The following PRDM16 variants were observed in gnomAD, a reference collection of about 807,000 sequenced individuals.
PRDM16 encodes histone-lysine N-methyltransferase PRDM16.
PRDM16 carries 23 observed loss-of-function variants against 110.6 expected under a neutral mutation model. The observed-to-expected ratio is 0.21, with a 90% CI of 0.15 to 0.29. The LOEUF is 0.29. Among genes scored for constraint, PRDM16 ranks in the 10% least tolerant of loss-of-function variants. The pLI, the probability that PRDM16 is intolerant of heterozygous loss-of-function variation, is 1.00. For synonymous variants in PRDM16, 799 were observed against 781.8 expected (o/e 1.02, Z -0.37); for missense variants, 1,615 against 1,794.3 (o/e 0.90, Z 1.81).
chr1:3,092,240 G>T (rs1165835910), intron 1 of PRDM16, among the ~76,000 whole-genome samples: 1 of 152,178 alleles, frequency 6.6e-6, no homozygotes, highest in Non-Finnish European at 1.5e-5. Context: ...AACCCCAGGG[G>T]CTCAGAGAGG....
At chr1:3,416,769 T>A (rs961611821) in intron 10 of PRDM16, among the ~76,000 whole-genome samples, 1 of 152,216 alleles carries the variant, frequency 6.6e-6, no homozygotes, top group African/African-American at 2.4e-5. Flanking sequence ...TGGCCCCACC[T>A]TCAGCAGGCT....
chr1:3,392,944 C>G (rs972933715), intron 4 of PRDM16, among the ~76,000 whole-genome samples: 2 of 152,200 alleles, frequency 1.3e-5, no homozygotes, highest in Non-Finnish European at 2.9e-5. Flanking sequence ...AGTTTGAATT[C>G]GGAGGACCTG....
At chr1:3,094,355 G>T (rs190190881) in intron 1 of PRDM16, among the ~76,000 whole-genome samples, 403 of 152,320 alleles carry the variant, frequency 2.6e-3, no homozygotes, top group Middle Eastern at 6.8e-3. Context: ...AAGTAAATTC[G>T]AGTTAAGTGC....
chr1:3,376,553 A>G (rs1441144719), intron 3 of PRDM16, among the ~76,000 whole-genome samples: 1 of 152,152 alleles, frequency 6.6e-6, no homozygotes, highest in Non-Finnish European at 1.5e-5. Context: ...GGCGGGAGCT[A>G]AGAGCCACAG....
intron 3 of PRDM16, among the ~76,000 whole-genome samples, chr1:3,352,394 C>T (rs1401199656): frequency 1.3e-5 from 2 of 152,196 alleles, no homozygotes; most frequent in Admixed American, 1.3e-4. Context: ...TCTCCACTGA[C>T]CCTCCCTCCC....
intron 1 of PRDM16, among the ~76,000 whole-genome samples, chr1:3,113,768 G>A (rs866919919): frequency 1.3e-5 from 2 of 152,208 alleles, no homozygotes; most frequent in African/African-American, 4.8e-5. Context: ...TGGGGGCCCT[G>A]GGCCAGAGGC....
At chr1:3,368,538 G>A (rs1410122369) in intron 3 of PRDM16, among the ~76,000 whole-genome samples, 1 of 152,176 alleles carries the variant, frequency 6.6e-6, no homozygotes, top group Non-Finnish European at 1.5e-5. Flanking sequence ...CCCAAGCCCA[G>A]CCGCTCCCAC....
chr1:3,334,760 G>T (rs2483277), intron 3 of PRDM16, among the ~76,000 whole-genome samples: 45,256 of 152,098 alleles, frequency 0.3, 7,953 homozygotes, highest in South Asian at 0.44. Context: ...AATCATCATC[G>T]CCAAGTGCTC....
intron 3 of PRDM16, among the ~76,000 whole-genome samples, chr1:3,372,281 G>A (rs372007882): frequency 1.3e-5 from 2 of 152,376 alleles, no homozygotes; most frequent in East Asian, 1.9e-4. Context: ...TTGCCCCAAA[G>A]GCCCTGCTTC....
chr1:3,387,374 C>G (rs2065525), intron 4 of PRDM16, among the ~76,000 whole-genome samples: 68,606 of 152,090 alleles, frequency 0.45, 16,421 homozygotes, highest in Middle Eastern at 0.55. Flanking sequence ...TGAATTAAAG[C>G]CACAAACCCA....
chr1:3,411,560 G>T lies in PRDM16; in HGVS notation c.1363G>T (p.Gly455Cys). ...GGGCAAGAACCATTACACGCCGGGCGGCATCTTTGCCCCGGGCCTGCCCTT... is the reference window on the plus strand; with the variant it reads ...GGGCAAGAACCATTACACGCCGGGCTGCATCTTTGCCCCGGGCCTGCCCTT... Reference protein sequence around the residue: ...CEGKNHYTPGGIFAPGLPLTP... With the variant: ...CEGKNHYTPGCIFAPGLPLTP... The change falls in exon 9 of 17, where the codon GGC becomes TGC. Residue 455 changes from glycine (G) to cysteine (C), a missense_variant. By Grantham distance (159) the Gly-to-Cys change is radical. This residue lies in a region of PRDM16 where 772 missense variants were observed against 748.3 expected (regional missense o/e 1.03). Transcript: ENST00000270722. 6.2e-7 allele frequency: 1 copy of T among 1,614,082 alleles called. No individual in the cohort carries two copies. The highest frequency in any genetic ancestry group is 2.2e-5 in the East Asian group (1 of 44,872).
chr1:3,406,539 G>A (rs147605767), intron 8 of PRDM16, among the ~76,000 whole-genome samples: 1,704 of 151,688 alleles, frequency 0.011, 18 homozygotes, highest in Non-Finnish European at 0.019. Flanking sequence ...AGACCAGCCT[G>A]AGCAATGTAG....
chr1:3,335,080 C>T (rs1029830682), intron 3 of PRDM16, among the ~76,000 whole-genome samples: 1 of 152,220 alleles, frequency 6.6e-6, no homozygotes, highest in African/African-American at 2.4e-5. Flanking sequence ...AGGTTCCCCC[C>T]TGTGGCTTCA....
intron 1 of PRDM16, among the ~76,000 whole-genome samples, chr1:3,084,537 G>A (rs558136794): frequency 1.4e-3 from 207 of 152,284 alleles, no homozygotes; most frequent in South Asian, 8.3e-3. Flanking sequence ...CCGATAAAGC[G>A]GCTGCTTGCT....
In PRDM16 at chr1:3,384,380, C is replaced by T. The variant is rs116047705; in HGVS notation, c.439-772C>T. Among the ~76,000 whole-genome samples, 266 of 152,254 alleles carry T rather than the reference C, an allele frequency of 1.7e-3. 1 individual carries two copies. The highest frequency in any genetic ancestry group is 6.1e-3 in the African/African-American group (252 of 41,546). On this transcript the variant is annotated intron_variant, in intron 3 of 16. Coordinates refer to ENST00000270722, the MANE Select transcript of PRDM16 (RefSeq NM_022114.4). ...GGCCAGAGTGGGGGAGGCTGGGGGGCCTGCAGCCGCCACCCATGGTCAGGC... is the reference window on the plus strand; with the variant it reads ...GGCCAGAGTGGGGGAGGCTGGGGGGTCTGCAGCCGCCACCCATGGTCAGGC...
chr1:3,118,409 T>G (rs1643018178), intron 1 of PRDM16, among the ~76,000 whole-genome samples: 1 of 152,150 alleles, frequency 6.6e-6, no homozygotes, highest in African/African-American at 2.4e-5. Context: ...GAGGGGCTCC[T>G]GGGTGTGCCT....
chr1:3,207,750 G>A (rs1462669545), intron 2 of PRDM16: 2 of 152,226 alleles, frequency 1.3e-5, no homozygotes, highest in African/African-American at 4.8e-5. Context: ...CCTCTCTAGA[G>A]TCAGAATTAC....
intron 3 of PRDM16, among the ~76,000 whole-genome samples, chr1:3,299,715 T>C (rs1317009081): frequency 8.2e-6 from 1 of 121,496 alleles, no homozygotes; most frequent in Non-Finnish European, 1.7e-5. Context: ...TTGAAGATGC[T>C]ATGCTGTGGC....
At chr1:3,158,051 T>C (rs1643871548) in intron 1 of PRDM16, among the ~76,000 whole-genome samples, 1 of 152,370 alleles carries the variant, frequency 6.6e-6, no homozygotes, top group East Asian at 1.9e-4. Flanking sequence ...ATATCTGGTA[T>C]ACTTTTTCAG....
Sources: allele counts gnomAD v4.1 joint callset (sites outside exome capture counted in the v4.1 genomes callset), GRCh38; gene constraint gnomAD v4.1.1; regional missense constraint gnomAD v4.1.1; transcripts MANE v1.5; gene names NCBI Gene and HGNC (gene_info 2026-07-23, HGNC 2026-07-21).